Variants in RAB7A observed in about 807,000 individuals in gnomAD.
RAB7A encodes RAB7A, member RAS oncogene family.
Under a neutral mutation model 24.5 loss-of-function variants are expected in RAB7A, and 2 were observed. That is an observed-to-expected ratio of 0.08 (90% confidence interval 0.03 to 0.26). The LOEUF (loss-of-function observed/expected upper bound fraction) is 0.26. Among genes scored for constraint, RAB7A ranks in the 10% least tolerant of loss-of-function variants. The pLI, the probability that RAB7A is intolerant of heterozygous loss-of-function variation, is 1.00. For synonymous variants in RAB7A, 100 were observed against 95.9 expected (o/e 1.04, Z -0.25); for missense variants, 118 against 255.7 (o/e 0.46, Z 3.67).
At chr3:128,781,835 A>C (rs960343518) in intron 1 of RAB7A, among the ~76,000 whole-genome samples, 2 of 152,166 alleles carry the variant, frequency 1.3e-5, no homozygotes, top group African/African-American at 4.8e-5. Context: ...CAACATGGTG[A>C]AACCCTGTCT....
intron 3 of RAB7A, among the ~76,000 whole-genome samples, chr3:128,802,398 G>A (rs1194944577): frequency 6.6e-6 from 1 of 152,228 alleles, no homozygotes; most frequent in African/African-American, 2.4e-5. Context: ...TATTAGTATA[G>A]TAATACACAG....
chr3:128,783,081 C>G (rs557308855), intron 1 of RAB7A, among the ~76,000 whole-genome samples: 1 of 152,312 alleles, frequency 6.6e-6, no homozygotes, highest in East Asian at 1.9e-4. Context: ...TCATCTCTTA[C>G]TTGGCCTCTG....
chr3:128,761,738 A>G (rs1364120070), intron 1 of RAB7A, among the ~76,000 whole-genome samples: 4 of 152,220 alleles, frequency 2.6e-5, no homozygotes, highest in Non-Finnish European at 5.9e-5. Context: ...TGTTTTGAAA[A>G]TTGGAATTTT....
At chr3:128,785,601 A>G (rs1933320174) in intron 1 of RAB7A, among the ~76,000 whole-genome samples, 1 of 152,006 alleles carries the variant, frequency 6.6e-6, no homozygotes, top group Non-Finnish European at 1.5e-5. Flanking sequence ...TCTACTAAAA[A>G]TACAAAAAGG....
intron 1 of RAB7A, among the ~76,000 whole-genome samples, chr3:128,745,113 A>T (rs531948531): frequency 1.4e-4 from 21 of 151,520 alleles, no homozygotes; most frequent in Admixed American, 3.9e-4. Context: ...TGACCTCATG[A>T]TCCACCCGTC....
chr3:128,778,733 T>C (rs995211735), intron 1 of RAB7A, among the ~76,000 whole-genome samples: 18 of 152,152 alleles, frequency 1.2e-4, no homozygotes, highest in African/African-American at 4.3e-4. Flanking sequence ...TTTAAAGAAA[T>C]AAAAGGAGCC....
chr3:128,784,708 A>G (rs984722999), intron 1 of RAB7A, among the ~76,000 whole-genome samples: 2 of 152,022 alleles, frequency 1.3e-5, no homozygotes, highest in Non-Finnish European at 2.9e-5. Context: ...CCCCCTTCAT[A>G]TCCAGGTTCA....
intron 1 of RAB7A, among the ~76,000 whole-genome samples, chr3:128,787,629 T>G (rs1435336514): frequency 6.6e-6 from 1 of 152,246 alleles, no homozygotes; most frequent in Non-Finnish European, 1.5e-5. Context: ...TTTGCAGATA[T>G]AGTAATCCTC....
At chr3:128,772,823 C>T (rs973898834) in intron 1 of RAB7A, among the ~76,000 whole-genome samples, 1 of 152,244 alleles carries the variant, frequency 6.6e-6, no homozygotes, top group African/African-American at 2.4e-5. Context: ...AGCTCCTAAC[C>T]GCGAGTGATC....
intron 1 of RAB7A, among the ~76,000 whole-genome samples, chr3:128,744,625 G>C: frequency 6.6e-6 from 1 of 152,174 alleles, no homozygotes; most frequent in East Asian, 1.9e-4. Flanking sequence ...CACTTGTATA[G>C]CTCCCAGCAC....
intron 1 of RAB7A, chr3:128,765,142 G>C (rs1276716106): frequency 5.7e-6 from 4 of 703,358 alleles, no homozygotes; most frequent in Admixed American, 2.0e-5. Flanking sequence ...GCCGGCCGGG[G>C]TGGGGGACGA....
At chr3:128,781,004 A>G (rs1933205231) in intron 1 of RAB7A, among the ~76,000 whole-genome samples, 2 of 152,236 alleles carry the variant, frequency 1.3e-5, no homozygotes, top group South Asian at 4.1e-4. Context: ...CTTATGCTAA[A>G]TGTGACTCTC....
intron 1 of RAB7A, among the ~76,000 whole-genome samples, chr3:128,775,466 G>C (rs1211184350): frequency 6.6e-6 from 1 of 152,112 alleles, no homozygotes; most frequent in East Asian, 1.9e-4. Flanking sequence ...ACCACATTCT[G>C]TGGGCTTCCT....
At chr3:128,786,330 A>G (rs553009227) in intron 1 of RAB7A, among the ~76,000 whole-genome samples, 1 of 152,156 alleles carries the variant, frequency 6.6e-6, no homozygotes, top group Non-Finnish European at 1.5e-5. Flanking sequence ...TCTGCCTACA[A>G]CAGACACTGC....
intron 1 of RAB7A, among the ~76,000 whole-genome samples, chr3:128,727,087 G>C (rs1289508737): frequency 3.3e-5 from 5 of 152,330 alleles, no homozygotes; most frequent in Non-Finnish European, 7.3e-5. Context: ...TTTTAGGCTT[G>C]ATACCTAATG....
chr3:128,753,446 G>A (rs190540220), intron 1 of RAB7A, among the ~76,000 whole-genome samples: 25 of 152,200 alleles, frequency 1.6e-4, no homozygotes, highest in Admixed American at 7.2e-4. Flanking sequence ...TTTCGTATGC[G>A]TGTGTGTGTT....
chr3:128,813,492 C>G lies in RAB7A; in HGVS notation c.*70C>G. 7.2e-7 allele frequency: 1 copy of G among 1,394,512 alleles called. No homozygotes were observed. The allele number at this position is 1,394,512 out of a possible 1,614,324, so 86.4% of individuals were successfully genotyped here. On this transcript the variant is annotated 3_prime_UTR_variant, in exon 6 of 6. Transcript: ENST00000265062. ...CACACGTAGGCCTTCAACACAATTC[C>G]CCTCTCCTCTTCCAAACAAAACATA...
chr3:128,767,403 C>G (rs937845889), intron 1 of RAB7A, among the ~76,000 whole-genome samples: 1 of 152,202 alleles, frequency 6.6e-6, no homozygotes, highest in African/African-American at 2.4e-5. Flanking sequence ...GCCCAAGGAG[C>G]TTTGGCTTTC....
Position 128,739,467 on chromosome 3 carries a change from C to T in RAB7A, c.-9+13108C>T, listed in dbSNP as rs182284191. ...GGCAGAGGTTGCAGTGAGCCAAGAT[C>T]GCGCCACTGCACTCCAGCCTTGCCA... On this transcript the variant is annotated intron_variant, in intron 1 of 5. Coordinates refer to ENST00000265062, the MANE Select transcript of RAB7A (RefSeq NM_004637.6). 4.5e-3 allele frequency among the ~76,000 whole-genome samples: 677 copies of T among 150,424 alleles called. 3 individuals are homozygous for T. The highest frequency in any genetic ancestry group is 7.8e-3 in the Non-Finnish European group (526 of 67,590).
Sources: gnomAD v4.1 joint callset for allele counts (sites outside exome capture counted in the v4.1 genomes callset) on GRCh38, gnomAD v4.1.1 for gene constraint, MANE v1.5 for transcripts, NCBI Gene and HGNC (gene_info 2026-07-23, HGNC 2026-07-21) for gene names.